Variants in GNAT1 observed in about 807,000 individuals in gnomAD.
GNAT1 encodes G protein subunit alpha transducin 1, also known as guanine nucleotide-binding protein G(t) subunit alpha-1.
A neutral mutation model predicts 40.0 loss-of-function variants in GNAT1; 36 were observed. The ratio of observed to expected loss-of-function variants is 0.90; its 90% confidence interval spans 0.69 to 1.19. GNAT1 has a LOEUF of 1.19. GNAT1 is among the 50% of genes most tolerant of loss of function. The probability of loss-of-function intolerance (pLI) is 0.00; values close to 1 mark genes in which losing one functional copy is unlikely to be tolerated. For missense variants in GNAT1, 413 were observed against 480.6 expected, an observed-to-expected ratio of 0.86 and a Z score of 1.32; for synonymous variants, 195 against 192.9, an observed-to-expected ratio of 1.01 and a Z score of -0.09.
In GNAT1 at chr3:50,194,857, A is replaced by G. The variant is rs752720192; in HGVS notation, c.955A>G (p.Met319Val). The G allele has an allele frequency of 5.0e-6, 8 of 1,613,634 alleles. No homozygotes were observed. The African/African-American group carries it at 8.0e-5, about 16-fold the overall frequency. The change falls in exon 8 of 9, where the codon ATG (methionine) becomes GTG (valine). Residue 319 changes from methionine (M) to valine (V), a missense_variant. Coordinates refer to ENST00000232461, the MANE Select transcript of GNAT1 (RefSeq NM_144499.3). This position sits in a 1 kb window ranked among gnomAD's most constrained non-coding sequence, Gnocchi z 6.1. ...CGACGTGAAGGAGATCTATTCCCAC[A>G]TGACGTGCGCCACCGACACGCAGAA... ...RRDVKEIYSHMTCATDTQNVK... is the reference protein window; with the variant it reads ...RRDVKEIYSHVTCATDTQNVK...
Position 50,194,122 on chromosome 3 carries a change from G to A in GNAT1, c.609G>A (p.Glu203=). The A allele has an allele frequency of 6.2e-7, 1 of 1,613,994 alleles. No homozygotes were observed. The highest frequency in any genetic ancestry group is 8.5e-7 in the Non-Finnish European group (1 of 1,179,898). Residue 203 remains glutamate (E), a synonymous_variant, in exon 6 of 9, where the codon GAG becomes GAA. Coordinates refer to ENST00000232461, the MANE Select transcript of GNAT1 (RefSeq NM_144499.3). This position sits in a 1 kb window ranked among gnomAD's most constrained non-coding sequence, Gnocchi z 6.1. ...TCGATGTGGGCGGGCAGCGCTCGGA[G>A]CGCAAGAAGTGGATCCACTGCTTCG... The part of the protein sequence containing the change: ...RMFDVGGQRS[E]RKKWIHCFEG...
Position 50,194,279 on chromosome 3 carries a change from G to A in GNAT1, c.708+58G>A. ...GGCGAGGAGGAGCTGCTGGTCCCTG[G>A]AGGCGGAGACCGCGCGCTGGGCTGG... On this transcript the variant is annotated intron_variant, in intron 6 of 8. Transcript: ENST00000232461. The surrounding 1 kb of genome is among the most constrained non-coding windows in gnomAD (Gnocchi z 6.1). 4 of 1,553,730 alleles carry A rather than the reference G, an allele frequency of 2.6e-6. No homozygotes were observed. Among genetic ancestry groups the A allele is most frequent in the Non-Finnish European group, 3.5e-6 (4 of 1,146,132 alleles).
Position 50,196,635 on chromosome 3 carries a change from G to C in GNAT1, c.*1369G>C, listed in dbSNP as rs563891409. The C allele has an allele frequency of 6.6e-6, 1 of 152,618 alleles. No homozygotes were observed. The highest frequency in any genetic ancestry group is 2.1e-4 in the South Asian group (1 of 4,826). The allele number at this position is 152,618 out of a possible 1,614,324, so 9.5% of individuals were successfully genotyped here. A position where few individuals can be genotyped will look rare whatever the true frequency, so the allele number is the denominator to read the frequency against. The stretch of plus-strand genomic sequence containing the variant: ...TGGCCCCTCCCAGGAAGAAGTACCT[G>C]GCCTGACAAGGTGGGGCACTCTTGG... On this transcript the variant is annotated 3_prime_UTR_variant, in exon 9 of 9. Coordinates refer to ENST00000232461, the MANE Select transcript of GNAT1 (RefSeq NM_144499.3).
rs1317313688 is a variant in GNAT1 at position 50,193,473 on chromosome 3, G to A, written c.292-33G>A. Reference sequence around the variant, plus strand: ...GGCTCGCGGCTGGGCCCGAGTCCCTGGCCGCCACCAGCCACTCTCACCCTG... The same window carrying A: ...GGCTCGCGGCTGGGCCCGAGTCCCTAGCCGCCACCAGCCACTCTCACCCTG... On this transcript the variant is annotated intron_variant, in intron 3 of 8. Transcript: ENST00000232461. This position sits in a 1 kb window ranked among gnomAD's most constrained non-coding sequence, Gnocchi z 8.1. 6.2e-7 allele frequency: 1 copy of A among 1,605,708 alleles called. No individual in the cohort carries two copies. Among genetic ancestry groups the A allele is most frequent in the East Asian group, 2.3e-5 (1 of 44,150 alleles).
Position 50,194,336 on chromosome 3 carries a change from G to A in GNAT1, c.708+115G>A. 7.0e-7 allele frequency: 1 copy of A among 1,435,688 alleles called. No homozygotes were observed. The highest frequency in any genetic ancestry group is 9.5e-7 in the Non-Finnish European group (1 of 1,049,200). 88.9% of individuals were successfully genotyped at this position (1,435,688 alleles called of 1,614,324 possible). Reference sequence around the variant, plus strand: ...GCACGGGAGGGGATGCCTGTCCCGGGCGGCCTGAGGAGGCCCGGAGGCGTT... The same window carrying A: ...GCACGGGAGGGGATGCCTGTCCCGGACGGCCTGAGGAGGCCCGGAGGCGTT... On this transcript the variant is annotated intron_variant, in intron 6 of 8. Coordinates refer to ENST00000232461, the MANE Select transcript of GNAT1 (RefSeq NM_144499.3). This position sits in a 1 kb window ranked among gnomAD's most constrained non-coding sequence, Gnocchi z 6.1.
rs758830334 is a variant in GNAT1, at chr3:50,195,605, G to T, written c.*339G>T. The T allele has an allele frequency of 6.4e-6, 1 of 156,354 alleles. No individual in the cohort carries two copies. Among genetic ancestry groups the T allele is most frequent in the African/African-American group, 2.4e-5 (1 of 41,454 alleles). The allele number at this position is 156,354 out of a possible 1,614,324, so 9.7% of individuals were successfully genotyped here. Reference sequence around the variant, plus strand: ...GCAGTGCCCAACTGACCAATCTCCCGCAGCTCTCCTGCCCCTGGGGGCCCA... The same window carrying T: ...GCAGTGCCCAACTGACCAATCTCCCTCAGCTCTCCTGCCCCTGGGGGCCCA... On this transcript the variant is annotated 3_prime_UTR_variant, in exon 9 of 9. Transcript: ENST00000232461.
Position 50,193,664 on chromosome 3 carries a change from GT to G in GNAT1, c.449+2del. On this transcript the variant is annotated splice_donor_variant, in intron 4 of 8. Coordinates refer to ENST00000232461, the MANE Select transcript of GNAT1 (RefSeq NM_144499.3). LOFTEE classifies it high-confidence loss of function. The surrounding 1 kb of genome is among the most constrained non-coding windows in gnomAD (Gnocchi z 8.1). ...ACCAGCTCAACGACTCGGCGGGCTA[GT>G]GAGCGCGCGGGCAGCGCGGGGCGCG... 2.5e-6 allele frequency: 4 copies of G among 1,611,232 alleles called. No individual in the cohort carries two copies. Among genetic ancestry groups the G allele is most frequent in the Non-Finnish European group, 3.4e-6 (4 of 1,179,464 alleles).
rs753519744 is a variant in GNAT1 at position 50,193,551 on chromosome 3, G to C, written c.337G>C (p.Gly113Arg). ...GCACATGGCAGACACTATCGAGGAG[G>C]GCACGATGCCCAAGGAGATGTCGGA... The part of the protein sequence containing the change: ...LMHMADTIEE[G>R]TMPKEMSDII... The change falls in exon 4 of 9, where the codon GGC becomes CGC. Residue 113 changes from glycine to arginine, a missense_variant. Coordinates refer to ENST00000232461, the MANE Select transcript of GNAT1 (RefSeq NM_144499.3). The surrounding 1 kb of genome is among the most constrained non-coding windows in gnomAD (Gnocchi z 8.1). 6.2e-7 allele frequency: 1 copy of C among 1,613,366 alleles called. No homozygotes were observed. The highest frequency in any genetic ancestry group is 1.7e-5 in the Admixed American group (1 of 60,026).
chr3:50,193,175 A>G lies in GNAT1; in HGVS notation c.149A>G (p.Lys50Arg). ...AAGAGCACCATCGTCAAGCAGATGA[A>G]GTGAGTGCCCCTGCCTGTCCCGAGG... ...SGKSTIVKQM[K>R]IIHQDGYSLE... is the part of the protein sequence containing the mutation. Residue 50 changes from lysine to arginine, a missense_variant and splice_region_variant, in exon 2 of 9, where the codon AAG becomes AGG. By Grantham distance (26) the Lys-to-Arg change is conservative. Transcript: ENST00000232461. This position sits in a 1 kb window ranked among gnomAD's most constrained non-coding sequence, Gnocchi z 8.1. 2 of 1,613,968 alleles carry G rather than the reference A, an allele frequency of 1.2e-6. No individual in the cohort carries two copies. The highest frequency in any genetic ancestry group is 1.7e-6 in the Non-Finnish European group (2 of 1,179,962).
At position 50,193,816 on chromosome 3, in the gene GNAT1, G is replaced by T; in HGVS notation, c.513G>T (p.Leu171=). The stretch of plus-strand genomic sequence containing the variant: ...ACGTGCCCACCGAGCAGGACGTGCT[G>T]CGCTCGCGAGTCAAGACCACTGGCA... The part of the protein sequence containing the change: ...PGYVPTEQDV[L]RSRVKTTGII... The change falls in exon 5 of 9, where the codon CTG becomes CTT. Residue 171 remains leucine, a synonymous_variant. Transcript: ENST00000232461. This position sits in a 1 kb window ranked among gnomAD's most constrained non-coding sequence, Gnocchi z 8.1. 4 of 1,613,044 alleles carry T rather than the reference G, an allele frequency of 2.5e-6. No homozygotes were observed. Among genetic ancestry groups the T allele is most frequent in the Non-Finnish European group, 3.4e-6 (4 of 1,179,930 alleles).
Position 50,193,695 on chromosome 3 carries a change from G to A in GNAT1, c.449+32G>A, listed in dbSNP as rs999418416. ...GCGCGGGCAGCGCGGGGCGCGGGGC[G>A]CGGGGCGCAGGGGGCCCTCCACGCC... On this transcript the variant is annotated intron_variant, in intron 4 of 8. Transcript: ENST00000232461. The surrounding 1 kb of genome is among the most constrained non-coding windows in gnomAD (Gnocchi z 8.1). 4 of 1,602,826 alleles carry A rather than the reference G, an allele frequency of 2.5e-6. No individual in the cohort carries two copies. Among genetic ancestry groups the A allele is most frequent in the Non-Finnish European group, 3.4e-6 (4 of 1,175,400 alleles).
At chr3:50,195,047 A>G in intron 8 of GNAT1, 91 bp downstream of exon 8, 1 of 868,666 alleles carries the variant, frequency 1.2e-6, no homozygotes, top group Non-Finnish European at 1.7e-6. Context: ...CCTCACCCCC[A>G]AATCCTGGAG....
rs758215026 is a variant in GNAT1, at chr3:50,193,748, CG to C, written c.450-4del. On this transcript the variant is annotated splice_region_variant and splice_polypyrimidine_tract_variant and intron_variant, in intron 4 of 8. Transcript: ENST00000232461. This position sits in a 1 kb window ranked among gnomAD's most constrained non-coding sequence, Gnocchi z 8.1. ...CCCACCCACCTACGGCCGGGTCTCG[CG>C]CAGCTACCTCTCCGACCTGGAGCGC... 1 of 1,608,100 alleles carries C rather than the reference CG, an allele frequency of 6.2e-7. No homozygotes were observed. The highest frequency in any genetic ancestry group is 8.5e-7 in the Non-Finnish European group (1 of 1,177,958).
chr3:50,191,886 A>G, intron 1 of GNAT1, 55 bp downstream of exon 1: 1 of 1,140,450 alleles, frequency 8.8e-7, no homozygotes, highest in Non-Finnish European at 1.3e-6. Context: ...GTCTGGAGGC[A>G]GGCAGGCAGC....
In GNAT1 at chr3:50,194,670, G is replaced by A; in HGVS notation, c.862+16G>A. ...GACTACGATGGTGAGAAGTCCGCAA[G>A]GCCGCCAGGCGGCGCCCCCGCCCCA... is the stretch of plus-strand genomic sequence containing the variant. On this transcript the variant is annotated intron_variant, in intron 7 of 8. Coordinates refer to ENST00000232461, the MANE Select transcript of GNAT1 (RefSeq NM_144499.3). The surrounding 1 kb of genome is among the most constrained non-coding windows in gnomAD (Gnocchi z 6.1). The A allele has an allele frequency of 6.2e-6, 10 of 1,612,312 alleles. No individual in the cohort carries two copies. The highest frequency in any genetic ancestry group is 8.5e-6 in the Non-Finnish European group (10 of 1,179,336).
chr3:50,194,350 C>A lies in GNAT1; in HGVS notation c.708+129C>A. 2 of 1,400,134 alleles carry A rather than the reference C, an allele frequency of 1.4e-6. No homozygotes were observed. Among genetic ancestry groups the A allele is most frequent in the Non-Finnish European group, 2.0e-6 (2 of 1,015,790 alleles). The allele number at this position is 1,400,134 out of a possible 1,614,324, so 86.7% of individuals were successfully genotyped here. ...GCCTGTCCCGGGCGGCCTGAGGAGGCCCGGAGGCGTTCAGCAGGCCCATCT... is the reference window on the plus strand; with the variant it reads ...GCCTGTCCCGGGCGGCCTGAGGAGGACCGGAGGCGTTCAGCAGGCCCATCT... On this transcript the variant is annotated intron_variant, in intron 6 of 8. Coordinates refer to ENST00000232461, the MANE Select transcript of GNAT1 (RefSeq NM_144499.3). The surrounding 1 kb of genome is among the most constrained non-coding windows in gnomAD (Gnocchi z 6.1).
In GNAT1 at chr3:50,193,605, G is replaced by A. The variant is rs752708194; in HGVS notation, c.391G>A (p.Gly131Ser). 3.7e-6 allele frequency: 6 copies of A among 1,612,816 alleles called. No individual in the cohort carries two copies. The highest frequency in any genetic ancestry group is 3.3e-5 in the Admixed American group (2 of 60,028). The change falls in exon 4 of 9, where the codon GGT becomes AGT. Residue 131 changes from glycine (G) to serine (S), a missense_variant. Physicochemically the swap from Gly to Ser is moderately conservative, Grantham distance 56. Coordinates refer to ENST00000232461, the MANE Select transcript of GNAT1 (RefSeq NM_144499.3). The surrounding 1 kb of genome is among the most constrained non-coding windows in gnomAD (Gnocchi z 8.1). Reference sequence around the variant, plus strand: ...CATCCAGCGGCTGTGGAAGGACTCCGGTATCCAGGCCTGTTTTGAGCGCGC... The same window carrying A: ...CATCCAGCGGCTGTGGAAGGACTCCAGTATCCAGGCCTGTTTTGAGCGCGC... Reference protein sequence around the residue: ...DIIQRLWKDSGIQACFERASE... With the variant: ...DIIQRLWKDSSIQACFERASE...
In GNAT1 at chr3:50,193,477, G is replaced by A. The variant is rs375108268; in HGVS notation, c.292-29G>A. On this transcript the variant is annotated intron_variant, in intron 3 of 8. Coordinates refer to ENST00000232461, the MANE Select transcript of GNAT1 (RefSeq NM_144499.3). This position sits in a 1 kb window ranked among gnomAD's most constrained non-coding sequence, Gnocchi z 8.1. ...CGCGGCTGGGCCCGAGTCCCTGGCC[G>A]CCACCAGCCACTCTCACCCTGCCCC... The A allele has an allele frequency of 5.1e-6, 8 of 1,583,036 alleles. No homozygotes were observed. Among genetic ancestry groups the A allele is most frequent in the Non-Finnish European group, 6.0e-6 (7 of 1,170,194 alleles).
chr3:50,194,033 G>A lies in GNAT1; in HGVS notation c.579-59G>A. 4.3e-6 allele frequency: 7 copies of A among 1,610,822 alleles called. No individual in the cohort carries two copies. The highest frequency in any genetic ancestry group is 5.9e-6 in the Non-Finnish European group (7 of 1,177,818). On this transcript the variant is annotated intron_variant, in intron 5 of 8. Transcript: ENST00000232461. This position sits in a 1 kb window ranked among gnomAD's most constrained non-coding sequence, Gnocchi z 6.1. ...CCGAGAGCTCCCCGACCAGCACAGG[G>A]CGAAGGGATGTTGCCTGTGGGGCCC...
Sources: allele counts gnomAD v4.1 joint callset, GRCh38; gene constraint gnomAD v4.1.1; non-coding constraint Gnocchi (gnomAD v3.1); transcripts MANE v1.5; gene names NCBI Gene and HGNC (gene_info 2026-07-23, HGNC 2026-07-21).